Variants in IRAK2 observed in about 807,000 individuals in gnomAD.
The protein encoded by IRAK2 is interleukin-1 receptor-associated kinase-like 2.
Under a neutral mutation model 72.0 loss-of-function variants are expected in IRAK2, and 57 were observed. The observed-to-expected ratio is 0.79, with a 90% CI of 0.64 to 0.99. The LOEUF is 0.99. Ranked by LOEUF, IRAK2 falls within the 50% of genes least tolerant of loss-of-function variation. The pLI is 0.00. For synonymous variants in IRAK2, 293 were observed against 312.7 expected, an observed-to-expected ratio of 0.94 and a Z score of 0.67; for missense variants, 790 against 794.4, an observed-to-expected ratio of 0.99 and a Z score of 0.07.
chr3:10,242,201 G>A lies in IRAK2; in HGVS notation c.1851G>A (p.Val617=), dbSNP rs145025419. 6 of 1,612,348 alleles carry A rather than the reference G, an allele frequency of 3.7e-6. No homozygotes were observed. In the African/African-American group the frequency reaches 5.3e-5, roughly 14 times the overall value. The change falls in exon 13 of 13, where the codon GTG becomes GTA. Residue 617 remains valine (V), a synonymous_variant. Transcript: ENST00000256458. ...ENILLYKEEK[V]DSIELFGP ...TTCTGCTCTACAAAGAGGAAAAAGTGGACAGCATTGAGCTCTTTGGCCCCT... is the reference window on the plus strand; with the variant it reads ...TTCTGCTCTACAAAGAGGAAAAAGTAGACAGCATTGAGCTCTTTGGCCCCT...
chr3:10,211,869 A>T (rs939282945), intron 4 of IRAK2, among the ~76,000 whole-genome samples: 1 of 152,082 alleles, frequency 6.6e-6, no homozygotes, highest in Non-Finnish European at 1.5e-5. Flanking sequence ...CGAGGTCAGG[A>T]GATGGAGACC....
chr3:10,239,106 T>C, intron 12 of IRAK2, 67 bp downstream of exon 12: 1 of 1,390,222 alleles, frequency 7.2e-7, no homozygotes, highest in Non-Finnish European at 9.6e-7. Context: ...CCATCATTTT[T>C]TCTTTCTGTT....
At chr3:10,169,720 G>A (rs1303554361) in intron 1 of IRAK2, among the ~76,000 whole-genome samples, 1 of 152,052 alleles carries the variant, frequency 6.6e-6, no homozygotes, top group East Asian at 1.9e-4. Flanking sequence ...TCAAACACAC[G>A]TTTTACAAAC....
chr3:10,206,371 C>T (rs1481444129), intron 3 of IRAK2, among the ~76,000 whole-genome samples: 2 of 152,132 alleles, frequency 1.3e-5, no homozygotes, highest in African/African-American at 4.8e-5. Flanking sequence ...CTGGGGGTCT[C>T]CAGCTCGCAT....
intron 2 of IRAK2, among the ~76,000 whole-genome samples, chr3:10,195,173 C>T (rs1366088858): frequency 6.6e-6 from 1 of 152,216 alleles, no homozygotes; most frequent in African/African-American, 2.4e-5. Flanking sequence ...CCACAGAGGT[C>T]GGCCACAAAT....
chr3:10,173,001 T>G (rs1280849892), intron 1 of IRAK2, among the ~76,000 whole-genome samples: 1 of 152,012 alleles, frequency 6.6e-6, no homozygotes, highest in African/African-American at 2.4e-5. Context: ...AAACAGGTTT[T>G]CATAGAATGT....
chr3:10,219,606 C>T (rs951092774), intron 7 of IRAK2, 74 bp from the exon 8 acceptor site: 9 of 1,100,028 alleles, frequency 8.2e-6, no homozygotes, highest in Non-Finnish European at 1.1e-5. Context: ...GTGTGAGCCA[C>T]CGCACCTGGC....
chr3:10,219,436 A>T (rs776648812), intron 7 of IRAK2, among the ~76,000 whole-genome samples: 3 of 149,726 alleles, frequency 2.0e-5, no homozygotes, highest in Non-Finnish European at 4.5e-5. Flanking sequence ...CTCCTGCCTC[A>T]GCCTCCCAAA....
rs538829475 is a variant in IRAK2 at position 10,219,169 on chromosome 3, G to C, written c.904-511G>C. On this transcript the variant is annotated intron_variant, in intron 7 of 12. Coordinates refer to ENST00000256458, the MANE Select transcript of IRAK2 (RefSeq NM_001570.4). Reference sequence around the variant, plus strand: ...GCTATGATGCTGCACTCCAGTCTGGGTGACAGAGCAAGACCTGTCTCAAAA... The same window carrying C: ...GCTATGATGCTGCACTCCAGTCTGGCTGACAGAGCAAGACCTGTCTCAAAA... Among the ~76,000 whole-genome samples the C allele has an allele frequency of 3.9e-5, 6 of 152,250 alleles. No homozygotes were observed. The East Asian group carries it at 1.2e-3, about 29-fold the overall frequency.
At chr3:10,219,064 G>A (rs1697647738) in intron 7 of IRAK2, among the ~76,000 whole-genome samples, 1 of 152,182 alleles carries the variant, frequency 6.6e-6, no homozygotes, top group African/African-American at 2.4e-5. Flanking sequence ...TGAGAGTGGT[G>A]GCACGTGCCT....
chr3:10,206,445 C>A (rs1314577281), intron 3 of IRAK2, among the ~76,000 whole-genome samples: 1 of 152,190 alleles, frequency 6.6e-6, no homozygotes, highest in Non-Finnish European at 1.5e-5. Flanking sequence ...CTGAGGGCAG[C>A]CCCTTGACAG....
intron 1 of IRAK2, among the ~76,000 whole-genome samples, chr3:10,168,051 C>A (rs1696723763): frequency 1.3e-5 from 2 of 152,180 alleles, no homozygotes; most frequent in Admixed American, 1.3e-4. Flanking sequence ...CCCATCTCAC[C>A]TTCCCAAATT....
intron 1 of IRAK2, among the ~76,000 whole-genome samples, chr3:10,166,735 C>T (rs1384766557): frequency 6.6e-6 from 1 of 152,162 alleles, no homozygotes; most frequent in Non-Finnish European, 1.5e-5. Flanking sequence ...GCTTCCGCCT[C>T]TTGGATTCAA....
intron 8 of IRAK2, among the ~76,000 whole-genome samples, chr3:10,222,184 G>A (rs1412145957): frequency 2.6e-5 from 4 of 152,108 alleles, no homozygotes; most frequent in Non-Finnish European, 5.9e-5. Flanking sequence ...CACTGTGCCC[G>A]GCCAAGAGGG....
chr3:10,242,250 CCCTT>C lies in IRAK2; in HGVS notation c.*23_*26del. 15 of 1,385,604 alleles carry C rather than the reference CCCTT, an allele frequency of 1.1e-5. No individual in the cohort carries two copies. The highest frequency in any genetic ancestry group is 1.4e-5 in the Non-Finnish European group (14 of 988,264). 85.8% of individuals were successfully genotyped at this position (1,385,604 alleles called of 1,614,324 possible). A position where few individuals can be genotyped will look rare whatever the true frequency, so the allele number is the denominator to read the frequency against. On this transcript the variant is annotated 3_prime_UTR_variant, in exon 13 of 13. Coordinates refer to ENST00000256458, the MANE Select transcript of IRAK2 (RefSeq NM_001570.4). The stretch of plus-strand genomic sequence containing the variant: ...CTGATGACCGGAACACAGCTGAGGA[CCCTT>C]GTCCTCAGTTGGAAAGATGAGCATC...
At chr3:10,234,968 C>G (rs941985088) in intron 11 of IRAK2, among the ~76,000 whole-genome samples, 2 of 152,224 alleles carry the variant, frequency 1.3e-5, no homozygotes, top group East Asian at 3.9e-4. Context: ...TCTGTGTTCT[C>G]TGGAGGGAAC....
intron 2 of IRAK2, among the ~76,000 whole-genome samples, chr3:10,198,006 T>C (rs894999707): frequency 1.6e-4 from 24 of 151,650 alleles, no homozygotes; most frequent in African/African-American, 5.6e-4. Flanking sequence ...GAGACCATCC[T>C]GGCTAACACA....
intron 8 of IRAK2, among the ~76,000 whole-genome samples, chr3:10,220,383 TCCC>T (rs1559450498): frequency 6.6e-6 from 1 of 152,156 alleles, no homozygotes; most frequent in East Asian, 1.9e-4. Context: ...AACTCGTATT[TCCC>T]CAAAGTTCTC....
chr3:10,219,178 C>A (rs763737987), intron 7 of IRAK2, among the ~76,000 whole-genome samples: 1 of 152,120 alleles, frequency 6.6e-6, no homozygotes, highest in African/African-American at 2.4e-5. Flanking sequence ...GGTGACAGAG[C>A]AAGACCTGTC....
Sources: gnomAD v4.1 joint callset for allele counts (sites outside exome capture counted in the v4.1 genomes callset) on GRCh38, gnomAD v4.1.1 for gene constraint, MANE v1.5 for transcripts, NCBI Gene and HGNC (gene_info 2026-07-23, HGNC 2026-07-21) for gene names.